Variants in MYO9B observed in about 807,000 individuals in gnomAD.
The protein encoded by MYO9B is myosin IXB.
In MYO9B, 71 loss-of-function variants were observed where a neutral mutation model predicts 229.5. That is an observed-to-expected ratio of 0.31 (90% confidence interval 0.26 to 0.38). MYO9B has a LOEUF of 0.38. Among genes scored for constraint, MYO9B ranks in the 10% least tolerant of loss-of-function variants. The pLI is 1.00. For missense variants in MYO9B, 2,255 were observed against 2,920.5 expected (o/e 0.77, Z 5.25); for synonymous variants, 1,185 against 1,235.8 (o/e 0.96, Z 0.86).
In MYO9B at chr19:17,185,704, T is replaced by TGGGGACCAC; in HGVS notation, c.2497-216_2497-208dup. On this transcript the variant is annotated intron_variant, in intron 17 of 39. Transcript: ENST00000682292. ...ACAAGCACTGGTGGCCCTGGGACCA[T>TGGGGACCAC]GGGGACCACATAACTCCCTCGAGGG... 2.0e-5 allele frequency among the ~76,000 whole-genome samples: 3 copies of TGGGGACCAC among 151,954 alleles called. No individual in the cohort carries two copies. The Middle Eastern group carries it at 0.01, about 517-fold the overall frequency.
chr19:17,156,835 C>A, intron 6 of MYO9B, 74 bp from the exon 7 acceptor site: 1 of 1,515,014 alleles, frequency 6.6e-7, no homozygotes, highest in South Asian at 1.3e-5. Flanking sequence ...TGGATTCAGC[C>A]CGGTTCCCTG....
rs2073010260 is a variant in MYO9B at position 17,193,657 on chromosome 19, C to T, written c.3128+595C>T. ...CTTTGGGAGGCCTAGATGGGAAGAT[C>T]GCTTGAGCACAGGAGTTCAAGACCA... is the stretch of plus-strand genomic sequence containing the variant. On this transcript the variant is annotated intron_variant, in intron 21 of 39. Coordinates refer to ENST00000682292, the MANE Select transcript of MYO9B (RefSeq NM_004145.4). The surrounding 1 kb of genome is among the most constrained non-coding windows in gnomAD (Gnocchi z 4.3). 6.6e-6 allele frequency among the ~76,000 whole-genome samples: 1 copy of T among 152,182 alleles called. No homozygotes were observed.
At chr19:17,168,516 C>T (rs960295615) in intron 11 of MYO9B, among the ~76,000 whole-genome samples, 1 of 152,222 alleles carries the variant, frequency 6.6e-6, no homozygotes, top group Non-Finnish European at 1.5e-5. Flanking sequence ...AAAACCCAAG[C>T]TCGTGTGTGC....
rs200674880 is a variant in MYO9B, at chr19:17,194,824, G to A, written c.3397G>A (p.Val1133Met). 25 of 1,613,374 alleles carry A rather than the reference G, an allele frequency of 1.5e-5. No homozygotes were observed. The East Asian group carries it at 2.0e-4, about 13-fold the overall frequency. The change falls in exon 22 of 40, where the codon GTG (valine) becomes ATG (methionine). Residue 1133 changes from valine to methionine, a missense_variant. By Grantham distance (21) the Val-to-Met change is conservative (BLOSUM62 1). Coordinates refer to ENST00000682292, the MANE Select transcript of MYO9B (RefSeq NM_004145.4). ...PEKTLPPQKT[V>M]AAESHEKVPS... is the part of the protein sequence containing the mutation. ...GAAGACTCTCCCACCCCAGAAAACC[G>A]TGGCGGCTGAAAGTCACGAGAAAGT...
intron 14 of MYO9B, among the ~76,000 whole-genome samples, chr19:17,179,027 TA>T (rs779765764): frequency 0.13 from 13,008 of 96,924 alleles, 1,224 homozygotes; most frequent in African/African-American, 0.31. Flanking sequence ...CAAGACTCTG[TA>T]AAAAAAAAAA....
At chr19:17,108,496 C>T (rs1436736206) in intron 2 of MYO9B, among the ~76,000 whole-genome samples, 1 of 152,112 alleles carries the variant, frequency 6.6e-6, no homozygotes, top group Non-Finnish European at 1.5e-5. Flanking sequence ...ACTCCCCACC[C>T]CGCAGGTGTG....
At chr19:17,115,370 G>C (rs1047944389) in intron 2 of MYO9B, among the ~76,000 whole-genome samples, 1 of 151,738 alleles carries the variant, frequency 6.6e-6, no homozygotes, top group Non-Finnish European at 1.5e-5. Flanking sequence ...TTTACTACCT[G>C]GCCCTTTATA....
Position 17,202,323 on chromosome 19 carries a change from A to G in MYO9B, c.4836+20A>G. 2 of 1,547,586 alleles carry G rather than the reference A, an allele frequency of 1.3e-6. No homozygotes were observed. ...GTGAAGGTGGGCAGCCCAGCATGCC[A>G]CGCCCACCTGTGACATGCCACGCCT... On this transcript the variant is annotated intron_variant, in intron 28 of 39. Coordinates refer to ENST00000682292, the MANE Select transcript of MYO9B (RefSeq NM_004145.4).
At chr19:17,209,080 C>G (rs1301772929) in intron 35 of MYO9B, among the ~76,000 whole-genome samples, 3 of 151,882 alleles carry the variant, frequency 2.0e-5, no homozygotes, top group African/African-American at 7.3e-5. Flanking sequence ...CAAGCTGGGT[C>G]CCTCTGATAC....
At chr19:17,077,208 A>T (rs2057493412) in intron 1 of MYO9B, among the ~76,000 whole-genome samples, 1 of 152,060 alleles carries the variant, frequency 6.6e-6, no homozygotes, top group Non-Finnish European at 1.5e-5. Context: ...TTTGATTGGC[A>T]TTCATTTCTC....
At chr19:17,206,189 C>A in intron 32 of MYO9B, 37 bp downstream of exon 32, 1 of 1,604,868 alleles carries the variant, frequency 6.2e-7, no homozygotes. Flanking sequence ...GTGCCAGGCC[C>A]CAGGCACAGC....
At chr19:17,087,339 C>G (rs2057592858) in intron 1 of MYO9B, among the ~76,000 whole-genome samples, 1 of 152,058 alleles carries the variant, frequency 6.6e-6, no homozygotes, top group Non-Finnish European at 1.5e-5. Flanking sequence ...GATGGAAGGT[C>G]TGGGGGAATG....
intron 2 of MYO9B, among the ~76,000 whole-genome samples, chr19:17,104,256 G>C (rs1478036955): frequency 6.6e-6 from 1 of 152,120 alleles, no homozygotes; most frequent in Non-Finnish European, 1.5e-5. Flanking sequence ...TAAGGGGATG[G>C]CGAAGCATTG....
chr19:17,152,204 C>T (rs974806429), intron 3 of MYO9B, among the ~76,000 whole-genome samples: 7 of 150,072 alleles, frequency 4.7e-5, no homozygotes, highest in African/African-American at 1.7e-4. Flanking sequence ...AAAAAAAACC[C>T]ACAAGGACAT....
chr19:17,209,458 T>C, intron 35 of MYO9B, 128 bp from the exon 36 acceptor site: 1 of 946,770 alleles, frequency 1.1e-6, no homozygotes, highest in Non-Finnish European at 1.6e-6. Flanking sequence ...GGCACAGCCG[T>C]GTCCCAGGCA....
chr19:17,158,852 C>T (rs114058795), intron 7 of MYO9B, among the ~76,000 whole-genome samples: 4,105 of 152,282 alleles, frequency 0.027, 199 homozygotes, highest in African/African-American at 0.094. Flanking sequence ...CATGAGCATC[C>T]GGCAAGCCCG....
intron 4 of MYO9B, 68 bp from the exon 5 acceptor site, chr19:17,153,899 G>C: frequency 1.8e-6 from 2 of 1,131,526 alleles, no homozygotes; most frequent in Non-Finnish European, 2.7e-6. Context: ...CATGTTAGTA[G>C]TGGTTCGCAG....
chr19:17,119,812 G>A (rs997890028), intron 2 of MYO9B, among the ~76,000 whole-genome samples: 12 of 151,982 alleles, frequency 7.9e-5, no homozygotes, highest in African/African-American at 1.7e-4. Context: ...CACCATGGCC[G>A]GCTAATTTTT....
rs983007615 is a variant in MYO9B, at chr19:17,192,841, G to A, written c.2907G>A (p.Met969Ile). ...KILLLQSWFR[M>I]VLERRHFLQM... The stretch of plus-strand genomic sequence containing the variant: ...TGCTGCTGCAGAGCTGGTTCCGGAT[G>A]GTGCTGGAGCGTCGGCACTTCCTGC... Residue 969 changes from methionine to isoleucine, a missense_variant, in exon 21 of 40, where the codon ATG becomes ATA. Coordinates refer to ENST00000682292, the MANE Select transcript of MYO9B (RefSeq NM_004145.4). 4 of 1,553,102 alleles carry A rather than the reference G, an allele frequency of 2.6e-6. No homozygotes were observed. The highest frequency in any genetic ancestry group is 3.4e-4 in the Middle Eastern group (2 of 5,864).
Sources: gnomAD v4.1 joint callset for allele counts (sites outside exome capture counted in the v4.1 genomes callset) on GRCh38, gnomAD v4.1.1 for gene constraint, Gnocchi (gnomAD v3.1) non-coding constraint, MANE v1.5 for transcripts, NCBI Gene and HGNC (gene_info 2026-07-23, HGNC 2026-07-21) for gene names.